TOM1L2: variants seen among roughly 807,000 people sequenced by gnomAD.
The protein encoded by TOM1L2 is target of myb1 like 2 membrane trafficking protein.
In TOM1L2, 31 loss-of-function variants were observed where a neutral mutation model predicts 67.9. That is an observed-to-expected ratio of 0.46 (90% CI 0.34 to 0.62). TOM1L2 has a LOEUF of 0.62. Ranked by LOEUF, TOM1L2 falls within the 20% of genes least tolerant of loss-of-function variation. The probability of loss-of-function intolerance (pLI) is 0.01; values close to 1 mark genes in which losing one functional copy is unlikely to be tolerated. For synonymous variants in TOM1L2, 256 were observed against 254.0 expected (o/e 1.01, Z -0.07); for missense variants, 606 against 663.5 (o/e 0.91, Z 0.95).
intron 2 of TOM1L2, among the ~76,000 whole-genome samples, chr17:17,902,340 G>A (rs1278072912): frequency 1.3e-5 from 2 of 152,094 alleles, no homozygotes; most frequent in Middle Eastern, 3.2e-3. Context: ...GAGGCCTTTC[G>A]GGCAGTTTAC....
intron 3 of TOM1L2, among the ~76,000 whole-genome samples, chr17:17,897,860 TA>T (rs2038649026): frequency 6.6e-6 from 1 of 152,012 alleles, no homozygotes. Flanking sequence ...ACATATTCAT[TA>T]ATGTCCAAAA....
intron 1 of TOM1L2, among the ~76,000 whole-genome samples, chr17:17,924,689 C>T (rs908196476): frequency 2.6e-5 from 4 of 152,068 alleles, no homozygotes; most frequent in Admixed American, 1.3e-4. Context: ...TGCTTCAGCA[C>T]GGAAGACTGA....
chr17:17,876,225 G>A (rs909822023), intron 7 of TOM1L2, among the ~76,000 whole-genome samples: 4 of 152,222 alleles, frequency 2.6e-5, no homozygotes, highest in African/African-American at 9.6e-5. Flanking sequence ...CAGATGCAGT[G>A]TCTTGAATTT....
chr17:17,941,556 G>A (rs4470201), intron 1 of TOM1L2, among the ~76,000 whole-genome samples: 74,026 of 151,940 alleles, frequency 0.49, 19,101 homozygotes, highest in East Asian at 0.86. Context: ...TCCAAGCCAC[G>A]AGGAGATATC....
Position 17,901,865 on chromosome 17 carries a change from G to A in TOM1L2, c.138-3191C>T, listed in dbSNP as rs117075284. ...AGCTGTGCCTTGATTGTGTAGGTCT[G>A]AGGTGAGGCCTGGAAAACAGAGTCT... is the stretch of plus-strand genomic sequence containing the variant. On this transcript the variant is annotated intron_variant, in intron 2 of 14. Transcript: ENST00000379504. Among the ~76,000 whole-genome samples, 427 of 144,026 alleles carry A rather than the reference G, an allele frequency of 3.0e-3. 8 individuals carry two copies. The East Asian group carries it at 0.051, about 17-fold the overall frequency. The allele number at this position is 144,026 out of a possible 152,430, so 94.5% of individuals were successfully genotyped here. A position where few individuals can be genotyped will look rare whatever the true frequency, so the allele number is the denominator to read the frequency against.
intron 12 of TOM1L2, among the ~76,000 whole-genome samples, chr17:17,851,922 T>C (rs1335490451): frequency 6.6e-6 from 1 of 152,254 alleles, no homozygotes; most frequent in East Asian, 1.9e-4. Flanking sequence ...AAAATGCACA[T>C]GGCTAAAAAG....
At chr17:17,918,591 A>G (rs1244850375) in intron 1 of TOM1L2, among the ~76,000 whole-genome samples, 2 of 152,230 alleles carry the variant, frequency 1.3e-5, no homozygotes, top group Non-Finnish European at 2.9e-5. Context: ...GCCCTGAGAA[A>G]GTCACCTCAG....
At chr17:17,953,864 C>T (rs2144928854) in intron 1 of TOM1L2, among the ~76,000 whole-genome samples, 1 of 152,336 alleles carries the variant, frequency 6.6e-6, no homozygotes, top group Admixed American at 6.5e-5. Flanking sequence ...CAAGCAGGTG[C>T]TCTATGCATG....
chr17:17,952,285 C>T (rs1480948667), intron 1 of TOM1L2, among the ~76,000 whole-genome samples: 1 of 151,740 alleles, frequency 6.6e-6, no homozygotes, highest in Non-Finnish European at 1.5e-5. Context: ...GAACATGCGC[C>T]ACACACTAAG....
At chr17:17,949,634 C>G (rs2041101663) in intron 1 of TOM1L2, among the ~76,000 whole-genome samples, 1 of 152,164 alleles carries the variant, frequency 6.6e-6, no homozygotes. Context: ...AGCAGAATCT[C>G]CCACATAAGC....
At chr17:17,948,536 C>T (rs2041050156) in intron 1 of TOM1L2, among the ~76,000 whole-genome samples, 1 of 152,162 alleles carries the variant, frequency 6.6e-6, no homozygotes, top group Admixed American at 6.5e-5. Context: ...TCTGTAATCC[C>T]AGCTACTCGG....
At chr17:17,912,014 C>G (rs2039380510) in intron 1 of TOM1L2, among the ~76,000 whole-genome samples, 1 of 151,024 alleles carries the variant, frequency 6.6e-6, no homozygotes, top group Non-Finnish European at 1.5e-5. Flanking sequence ...AAGAATTTTT[C>G]TTAGTACAGA....
intron 10 of TOM1L2, 81 bp from the exon 11 acceptor site, chr17:17,862,929 G>C: frequency 1.8e-5 from 9 of 508,310 alleles, no homozygotes; most frequent in South Asian, 5.8e-5. Flanking sequence ...AAGCTAGGAC[G>C]CCAGCCAGGT....
At chr17:17,887,425 G>A (rs750185610) in intron 4 of TOM1L2, among the ~76,000 whole-genome samples, 3 of 152,168 alleles carry the variant, frequency 2.0e-5, no homozygotes, top group Admixed American at 6.5e-5. Flanking sequence ...ATGTGAAAAC[G>A]TACAGATGGG....
At chr17:17,850,075 T>G (rs998576470) in intron 13 of TOM1L2, among the ~76,000 whole-genome samples, 11 of 152,196 alleles carry the variant, frequency 7.2e-5, no homozygotes, top group African/African-American at 2.7e-4. Flanking sequence ...CAGGCTCTTC[T>G]GCCTGGGGAC....
At position 17,893,829 on chromosome 17, in the gene TOM1L2, G is replaced by A; in HGVS notation, c.217-19C>T. On this transcript the variant is annotated intron_variant, in intron 3 of 14. Coordinates refer to ENST00000379504, the MANE Select transcript of TOM1L2 (RefSeq NM_001082968.2). ...CCAGCACCTGATGTGGGGAGGGAAG[G>A]AAAAGGGTCACCCCAGTGGGAGCTG... is the stretch of plus-strand genomic sequence containing the variant. The A allele has an allele frequency of 6.2e-7, 1 of 1,611,300 alleles. No homozygotes were observed. The highest frequency in any genetic ancestry group is 8.5e-7 in the Non-Finnish European group (1 of 1,178,562).
chr17:17,847,854 T>C, intron 14 of TOM1L2, 71 bp from the exon 15 acceptor site: 1 of 1,601,992 alleles, frequency 6.2e-7, no homozygotes. Context: ...ACCCTTCCAC[T>C]CCCCAGCCCG....
At chr17:17,944,935 A>G (rs1477676292) in intron 1 of TOM1L2, among the ~76,000 whole-genome samples, 1 of 152,160 alleles carries the variant, frequency 6.6e-6, no homozygotes, top group Non-Finnish European at 1.5e-5. Context: ...CATAGGCCGG[A>G]TGCTCCTGCA....
chr17:17,908,554 T>A (rs1398179225), intron 1 of TOM1L2, among the ~76,000 whole-genome samples: 1 of 152,048 alleles, frequency 6.6e-6, no homozygotes, highest in African/African-American at 2.4e-5. Context: ...GGGGTTAATA[T>A]CCAGACTACG....
Sources: allele counts gnomAD v4.1 joint callset (sites outside exome capture counted in the v4.1 genomes callset), GRCh38; gene constraint gnomAD v4.1.1; transcripts MANE v1.5; gene names NCBI Gene and HGNC (gene_info 2026-07-23, HGNC 2026-07-21).